Variants in DIO2 observed in about 807,000 individuals in gnomAD.
DIO2 encodes the protein type II iodothyronine deiodinase.
In DIO2, 19 loss-of-function variants were observed where a neutral mutation model predicts 21.4. The observed-to-expected ratio is 0.89, with a 90% CI of 0.62 to 1.30. DIO2 has a LOEUF of 1.30. DIO2 is among the 50% of genes most tolerant of loss of function. The pLI, the probability that DIO2 is intolerant of heterozygous loss-of-function variation, is 0.00. For synonymous variants in DIO2, 122 were observed against 132.9 expected (o/e 0.92, Z 0.57); for missense variants, 302 against 338.1 (o/e 0.89, Z 0.84).
chr14:80,218,775 C>T (rs751954647), intron 2 of DIO2, among the ~76,000 whole-genome samples: 31 of 152,004 alleles, frequency 2.0e-4, no homozygotes, highest in Admixed American at 8.5e-4. Flanking sequence ...GCCAGGAGTT[C>T]GAGACCAGCC....
chr14:80,213,692 G>C (rs928823110), upstream of DIO2, among the ~76,000 whole-genome samples: 1 of 151,940 alleles, frequency 6.6e-6, no homozygotes, highest in Admixed American at 6.6e-5. Flanking sequence ...GGCATGTAGA[G>C]GGCCTCTGCA....
upstream of DIO2, chr14:80,215,827 G>A (rs913827369): frequency 2.0e-5 from 3 of 152,246 alleles, no homozygotes; most frequent in East Asian, 3.9e-4. Context: ...GAGTTATGAC[G>A]AACGGCTTAC....
chr14:80,202,575 A>T lies in DIO2; in HGVS notation c.*114T>A. On this transcript the variant is annotated 3_prime_UTR_variant, in exon 2 of 2. Coordinates refer to ENST00000438257, the MANE Select transcript of DIO2 (RefSeq NM_013989.5). ...AGAGATTCATGTTCTTCCGATAGAT[A>T]AACTCCTGTCTTTCAGTAAGCCAAT... 1 of 1,110,890 alleles carries T rather than the reference A, an allele frequency of 9.0e-7. No homozygotes were observed. The highest frequency in any genetic ancestry group is 1.6e-5 in the African/African-American group (1 of 63,670). 68.8% of individuals were successfully genotyped at this position (1,110,890 alleles called of 1,614,324 possible). A position where few individuals can be genotyped will look rare whatever the true frequency, so the allele number is the denominator to read the frequency against.
chr14:80,210,606 A>G (rs1284944050), intron 1 of DIO2, among the ~76,000 whole-genome samples: 1 of 152,160 alleles, frequency 6.6e-6, no homozygotes. Context: ...TCGCAAGTTG[A>G]TATCTAGTAA....
intron 2 of DIO2, among the ~76,000 whole-genome samples, chr14:80,221,671 A>T (rs1888468422): frequency 6.6e-6 from 1 of 152,168 alleles, no homozygotes; most frequent in Non-Finnish European, 1.5e-5. Context: ...AGCAGATGAT[A>T]AGAATTCATG....
chr14:80,205,324 G>A lies in DIO2; in HGVS notation c.223-2036C>T, dbSNP rs372827198. On this transcript the variant is annotated intron_variant, in intron 1 of 1. Coordinates refer to ENST00000438257, the MANE Select transcript of DIO2 (RefSeq NM_013989.5). ...TATCATGTGTACTGTGTGCCTCAAC[G>A]TACCGTGATAAGAAGACCTAAATGC... Among the ~76,000 whole-genome samples the A allele has an allele frequency of 9.2e-5, 14 of 152,124 alleles. No homozygotes were observed. In the South Asian group the frequency reaches 2.5e-3, roughly 27 times the overall value.
chr14:80,226,545 C>A (rs1299904189), intron 2 of DIO2, among the ~76,000 whole-genome samples: 1 of 152,222 alleles, frequency 6.6e-6, no homozygotes, highest in African/African-American at 2.4e-5. Context: ...ATAATACCTG[C>A]CACCAGGTAG....
At chr14:80,223,481 A>G (rs1888508398) in intron 2 of DIO2, among the ~76,000 whole-genome samples, 1 of 152,192 alleles carries the variant, frequency 6.6e-6, no homozygotes, top group Admixed American at 6.5e-5. Context: ...TTATACTACA[A>G]TAGTAATGAG....
chr14:80,212,610 A>G (rs1266005756), upstream of DIO2, among the ~76,000 whole-genome samples: 3 of 152,282 alleles, frequency 2.0e-5, no homozygotes, highest in East Asian at 5.8e-4. Flanking sequence ...GTTTCTTGGA[A>G]AATATGAACA....
chr14:80,212,080 A>C (rs1594878565), upstream of DIO2: 1 of 128,038 alleles, frequency 7.8e-6, no homozygotes, highest in Non-Finnish European at 1.6e-5. Context: ...TCCCAGTCTC[A>C]CTCTCTCCCT....
At chr14:80,229,911 C>T (rs1455083015) in intron 2 of DIO2, among the ~76,000 whole-genome samples, 1 of 152,120 alleles carries the variant, frequency 6.6e-6, no homozygotes, top group Non-Finnish European at 1.5e-5. Flanking sequence ...ATGTAGCGCA[C>T]CTCCTCATGA....
At position 80,198,354 on chromosome 14, in the gene DIO2, G is replaced by C. The variant is rs1455268587; in HGVS notation, c.*4335C>G. ...ATTGGTTCAGACTCACCTTGGAACAGAGCTGGGTCTGTTAAGTCTGAGACC... is the reference window on the plus strand; with the variant it reads ...ATTGGTTCAGACTCACCTTGGAACACAGCTGGGTCTGTTAAGTCTGAGACC... On this transcript the variant is annotated 3_prime_UTR_variant, in exon 2 of 2. Coordinates refer to ENST00000438257, the MANE Select transcript of DIO2 (RefSeq NM_013989.5). The C allele has an allele frequency of 6.5e-6, 1 of 152,674 alleles. No homozygotes were observed. Among genetic ancestry groups the C allele is most frequent in the Non-Finnish European group, 1.5e-5 (1 of 68,068 alleles). The allele number at this position is 152,674 out of a possible 1,614,324, so 9.5% of individuals were successfully genotyped here.
intron 1 of DIO2, among the ~76,000 whole-genome samples, chr14:80,205,021 T>C (rs1276154142): frequency 6.6e-6 from 1 of 152,236 alleles, no homozygotes; most frequent in East Asian, 1.9e-4. Context: ...ATTTTACTTA[T>C]ACTAACTTTC....
intron 2 of DIO2, among the ~76,000 whole-genome samples, chr14:80,221,749 C>CA (rs1888470320): frequency 6.6e-6 from 1 of 152,066 alleles, no homozygotes; most frequent in Non-Finnish European, 1.5e-5. Flanking sequence ...TTCATTCATA[C>CA]AAAAAACAAG....
intron 2 of DIO2, among the ~76,000 whole-genome samples, chr14:80,217,083 C>T (rs1310239290): frequency 6.6e-6 from 1 of 152,130 alleles, no homozygotes; most frequent in African/African-American, 2.4e-5. Context: ...AGAATCAGTA[C>T]ACTAAGTAAG....
chr14:80,210,512 C>G (rs541445180), intron 1 of DIO2, among the ~76,000 whole-genome samples: 10 of 152,124 alleles, frequency 6.6e-5, no homozygotes. Context: ...TCTAGGGCAA[C>G]GTATTTTATT....
At chr14:80,223,528 G>A (rs1888509896) in intron 2 of DIO2, among the ~76,000 whole-genome samples, 1 of 152,152 alleles carries the variant, frequency 6.6e-6, no homozygotes, top group South Asian at 2.1e-4. Context: ...AGGTAGAAAG[G>A]CAATCTTAAC....
In DIO2 at chr14:80,199,026, A is replaced by T. The variant is rs1887606075; in HGVS notation, c.*3663T>A. The T allele has an allele frequency of 6.6e-6, 1 of 152,212 alleles. No individual in the cohort carries two copies. The highest frequency in any genetic ancestry group is 6.5e-5 in the Admixed American group (1 of 15,278). 9.4% of individuals were successfully genotyped at this position (152,212 alleles called of 1,614,324 possible). A position where few individuals can be genotyped will look rare whatever the true frequency, so the allele number is the denominator to read the frequency against. On this transcript the variant is annotated 3_prime_UTR_variant, in exon 2 of 2. Transcript: ENST00000438257. ...AATGTCCAGATTCATCCATCCTCTT[A>T]AGATTGACATAAAGAGAAGTCCTGT...
intron 2 of DIO2, among the ~76,000 whole-genome samples, chr14:80,228,326 G>C (rs1888616952): frequency 6.6e-6 from 1 of 152,192 alleles, no homozygotes; most frequent in African/African-American, 2.4e-5. Flanking sequence ...TTGCATACCA[G>C]GTACCAGGAA....
Sources: gnomAD v4.1 joint callset for allele counts (sites outside exome capture counted in the v4.1 genomes callset) on GRCh38, gnomAD v4.1.1 for gene constraint, MANE v1.5 for transcripts, NCBI Gene and HGNC (gene_info 2026-07-23, HGNC 2026-07-21) for gene names.